FMN2: variants seen among roughly 807,000 people sequenced by gnomAD.
The protein encoded by FMN2 is formin-2.
Under a neutral mutation model 142.3 loss-of-function variants are expected in FMN2, and 51 were observed. The observed-to-expected ratio is 0.36, with a 90% confidence interval of 0.29 to 0.45. FMN2 has a LOEUF of 0.45. FMN2 is among the 20% of genes least tolerant of loss of function. FMN2 has a pLI of 1.00. For missense variants in FMN2, 1,936 were observed against 2,122.8 expected (o/e 0.91, Z 1.73); for synonymous variants, 882 against 869.8 (o/e 1.01, Z -0.25).
At chr1:240,455,690 A>G (rs897906414) in intron 16 of FMN2, among the ~76,000 whole-genome samples, 1 of 152,000 alleles carries the variant, frequency 6.6e-6, no homozygotes, top group African/African-American at 2.4e-5. Context: ...AAAAAATAAT[A>G]ATAGGCTGGG....
chr1:240,412,707 C>G (rs867842954), intron 15 of FMN2, among the ~76,000 whole-genome samples: 2 of 152,108 alleles, frequency 1.3e-5, no homozygotes, highest in Admixed American at 1.3e-4. Context: ...GAAGACCAGA[C>G]ATAGGGAGGC....
intron 2 of FMN2, among the ~76,000 whole-genome samples, chr1:240,139,910 G>A (rs1012283891): frequency 6.6e-6 from 1 of 152,172 alleles, no homozygotes; most frequent in Non-Finnish European, 1.5e-5. Flanking sequence ...AAAGTCAGAA[G>A]ACCAGAGAGG....
At chr1:240,224,994 A>C (rs373249444) in intron 6 of FMN2, among the ~76,000 whole-genome samples, 35 of 152,278 alleles carry the variant, frequency 2.3e-4, no homozygotes, top group African/African-American at 8.4e-4. Context: ...CTCAGATAAA[A>C]CAAATATAAG....
At chr1:240,158,405 A>G (rs1227964954) in intron 2 of FMN2, among the ~76,000 whole-genome samples, 1 of 152,032 alleles carries the variant, frequency 6.6e-6, no homozygotes, top group Non-Finnish European at 1.5e-5. Context: ...GATGTTATAT[A>G]ATTTATTCTT....
intron 8 of FMN2, among the ~76,000 whole-genome samples, chr1:240,305,698 A>G (rs919322238): frequency 1.3e-5 from 2 of 152,232 alleles, no homozygotes; most frequent in African/African-American, 4.8e-5. Context: ...CTATTGTATA[A>G]TGCCAAGGAA....
At chr1:240,094,786 T>A (rs1451003814) in intron 1 of FMN2, among the ~76,000 whole-genome samples, 1 of 152,258 alleles carries the variant, frequency 6.6e-6, no homozygotes, top group East Asian at 1.9e-4. Context: ...TCTTATGTTC[T>A]ATTATTTTAA....
intron 13 of FMN2, among the ~76,000 whole-genome samples, chr1:240,334,548 A>T (rs1671497543): frequency 6.6e-6 from 1 of 152,194 alleles, no homozygotes; most frequent in Non-Finnish European, 1.5e-5. Flanking sequence ...TTGGATACAA[A>T]TTATGTCATT....
chr1:240,256,818 G>A (rs1668465585), intron 6 of FMN2, among the ~76,000 whole-genome samples: 1 of 152,156 alleles, frequency 6.6e-6, no homozygotes, highest in Non-Finnish European at 1.5e-5. Flanking sequence ...CCTTCTGAAA[G>A]TGTTATGTTT....
At chr1:240,213,643 C>A (rs977910232) in intron 6 of FMN2, among the ~76,000 whole-genome samples, 3 of 152,160 alleles carry the variant, frequency 2.0e-5, no homozygotes, top group Non-Finnish European at 4.4e-5. Flanking sequence ...CCTTATGATT[C>A]ATTTCCAGTA....
chr1:240,349,446 A>G (rs1049722016), intron 13 of FMN2, among the ~76,000 whole-genome samples: 52 of 152,284 alleles, frequency 3.4e-4, no homozygotes, highest in African/African-American at 1.1e-3. Flanking sequence ...GCTGTGATTA[A>G]CATTGATTGA....
intron 2 of FMN2, among the ~76,000 whole-genome samples, chr1:240,136,800 C>G (rs147195490): frequency 3.6e-4 from 55 of 152,056 alleles, no homozygotes; most frequent in African/African-American, 1.3e-3. Flanking sequence ...TGGCCTGGTG[C>G]GGTGGCTCAC....
At chr1:240,302,697 A>G (rs1045612218) in intron 8 of FMN2, among the ~76,000 whole-genome samples, 2 of 152,118 alleles carry the variant, frequency 1.3e-5, no homozygotes, top group Non-Finnish European at 2.9e-5. Context: ...TTAGTCATAC[A>G]TTCTAGAGAA....
At chr1:240,334,668 A>G (rs963895192) in intron 13 of FMN2, among the ~76,000 whole-genome samples, 1 of 152,218 alleles carries the variant, frequency 6.6e-6, no homozygotes, top group Non-Finnish European at 1.5e-5. Flanking sequence ...CTTAAAAACC[A>G]CATACATGTA....
chr1:240,448,173 G>GA (rs569967561), intron 16 of FMN2, among the ~76,000 whole-genome samples: 271 of 152,166 alleles, frequency 1.8e-3, no homozygotes, highest in Non-Finnish European at 1.6e-3. Context: ...AAATCTGCTG[G>GA]AAAAAGCTAT....
intron 1 of FMN2, among the ~76,000 whole-genome samples, chr1:240,119,386 A>G (rs902779293): frequency 4.6e-5 from 7 of 151,862 alleles, no homozygotes; most frequent in African/African-American, 1.7e-4. Context: ...GATATCCTCA[A>G]GGGAAAGCCT....
chr1:240,411,920 C>T (rs16839939), intron 15 of FMN2, among the ~76,000 whole-genome samples: 11,467 of 152,020 alleles, frequency 0.075, 1,483 homozygotes, highest in African/African-American at 0.26. Context: ...TGTTCAAGTC[C>T]GAAGCTCAGG....
intron 16 of FMN2, among the ~76,000 whole-genome samples, chr1:240,467,419 C>T (rs1393751953): frequency 6.6e-6 from 1 of 152,002 alleles, no homozygotes; most frequent in Admixed American, 6.6e-5. Flanking sequence ...AGGCACCCAC[C>T]ACCACGCCTG....
chr1:240,216,997 T>C lies in FMN2; in HGVS notation c.4065+5762T>C, dbSNP rs1666929417. On this transcript the variant is annotated intron_variant, in intron 6 of 17. Transcript: ENST00000319653. Reference sequence around the variant, plus strand: ...TGTGTAATAACGACAGGAAAAGAAGTATTCATCATTCAGCTGCTCTTATAT... The same window carrying C: ...TGTGTAATAACGACAGGAAAAGAAGCATTCATCATTCAGCTGCTCTTATAT... 2.0e-5 allele frequency among the ~76,000 whole-genome samples: 3 copies of C among 152,104 alleles called. No individual in the cohort carries two copies. In the South Asian group the frequency reaches 6.2e-4, roughly 32 times the overall value.
At chr1:240,145,417 A>G (rs528723970) in intron 2 of FMN2, 58 of 465,332 alleles carry the variant, frequency 1.2e-4, no homozygotes, top group Non-Finnish European at 1.9e-4. Context: ...TCATGGATAC[A>G]TAGTAATATA....
Sources: gnomAD v4.1 joint callset for allele counts (sites outside exome capture counted in the v4.1 genomes callset) on GRCh38, gnomAD v4.1.1 for gene constraint, MANE v1.5 for transcripts, NCBI Gene and HGNC (gene_info 2026-07-23, HGNC 2026-07-21) for gene names.